BMP2K: variants seen among roughly 807,000 people sequenced by gnomAD.
BMP2K encodes BMP-2-inducible protein kinase.
Under a neutral mutation model 116.0 loss-of-function variants are expected in BMP2K, and 74 were observed. The ratio of observed to expected loss-of-function variants is 0.64; its 90% CI spans 0.53 to 0.77. BMP2K has a LOEUF of 0.77. BMP2K is among the 30% of genes least tolerant of loss of function. The probability of loss-of-function intolerance (pLI) is 0.00; values close to 1 mark genes in which losing one functional copy is unlikely to be tolerated. For synonymous variants in BMP2K, 486 were observed against 502.5 expected (o/e 0.97, Z 0.44); for missense variants, 1,365 against 1,403.6 (o/e 0.97, Z 0.44).
chr4:78,906,433 G>T (rs1734289443), intron 15 of BMP2K, among the ~76,000 whole-genome samples: 1 of 152,116 alleles, frequency 6.6e-6, no homozygotes, highest in Non-Finnish European at 1.5e-5. Context: ...ACTATTTGCA[G>T]ATGTAACCTG....
chr4:78,888,388 A>G (rs1733222714), intron 15 of BMP2K, among the ~76,000 whole-genome samples: 1 of 152,216 alleles, frequency 6.6e-6, no homozygotes, highest in South Asian at 2.1e-4. Flanking sequence ...GTCTAAAATT[A>G]TAATAACTCA....
chr4:78,787,655 T>C (rs1347194239), intron 1 of BMP2K, among the ~76,000 whole-genome samples: 2 of 152,084 alleles, frequency 1.3e-5, no homozygotes, highest in African/African-American at 2.4e-5. Flanking sequence ...GGGGATCTTA[T>C]CTCCTTAAGG....
At chr4:78,807,457 T>C (rs1001067089) in intron 1 of BMP2K, among the ~76,000 whole-genome samples, 1 of 152,176 alleles carries the variant, frequency 6.6e-6, no homozygotes, top group Non-Finnish European at 1.5e-5. Context: ...CGTTTCCTTC[T>C]CTTCTATTTT....
intron 1 of BMP2K, among the ~76,000 whole-genome samples, chr4:78,801,093 C>G (rs1022225727): frequency 7.2e-5 from 11 of 152,136 alleles, no homozygotes; most frequent in Non-Finnish European, 7.4e-5. Context: ...CCTGCAGTCT[C>G]TCTGTGTAAT....
rs530785941 is a variant in BMP2K, at chr4:78,800,041, CT to C, written c.178+23324del. On this transcript the variant is annotated intron_variant, in intron 1 of 15. Coordinates refer to ENST00000502613, the MANE Select transcript of BMP2K (RefSeq NM_198892.2). The stretch of plus-strand genomic sequence containing the variant: ...CTTTGCAAAGGAGAAATTATACAAA[CT>C]TTTACTCTTTCAATTTGAAAGTCTT... Among the ~76,000 whole-genome samples the C allele has an allele frequency of 6.0e-3, 909 of 152,296 alleles. 4 individuals are homozygous for C. Among genetic ancestry groups the C allele is most frequent in the Admixed American group, 0.014 (213 of 15,286 alleles).
At chr4:78,857,931 A>G (rs889649320) in intron 7 of BMP2K, among the ~76,000 whole-genome samples, 1 of 152,020 alleles carries the variant, frequency 6.6e-6, no homozygotes, top group Admixed American at 6.6e-5. Flanking sequence ...AGACCAAATC[A>G]TATGTAGTTT....
intron 2 of BMP2K, among the ~76,000 whole-genome samples, chr4:78,829,942 C>G (rs991420653): frequency 2.6e-5 from 4 of 151,688 alleles, no homozygotes; most frequent in Non-Finnish European, 5.9e-5. Context: ...CCTTGGCCTC[C>G]TGGCTCACTG....
rs778962146 is a variant in BMP2K at position 78,885,601 on chromosome 4, A to G, written c.1952-1573A>G. Among the ~76,000 whole-genome samples, 11 of 152,288 alleles carry G rather than the reference A, an allele frequency of 7.2e-5. No individual in the cohort carries two copies. In the South Asian group the frequency reaches 1.7e-3, roughly 23 times the overall value. On this transcript the variant is annotated intron_variant, in intron 14 of 15. Coordinates refer to ENST00000502613, the MANE Select transcript of BMP2K (RefSeq NM_198892.2). ...TCTACTTGGGTTCTGCCTCCCCTAC[A>G]CTGCAGTCCCTTAGAACTCAGTTGA...
intron 15 of BMP2K, among the ~76,000 whole-genome samples, chr4:78,908,979 C>G (rs13140881): frequency 6.7e-6 from 1 of 148,294 alleles, no homozygotes; most frequent in Non-Finnish European, 1.5e-5. Context: ...GTCATGTCAT[C>G]TAGGCCACCA....
chr4:78,855,784 T>C (rs1731479260), intron 7 of BMP2K, among the ~76,000 whole-genome samples: 2 of 152,212 alleles, frequency 1.3e-5, no homozygotes, highest in South Asian at 4.1e-4. Context: ...AGTATTTGTG[T>C]CAATAGAAAG....
At position 78,887,218 on chromosome 4, in the gene BMP2K, C is replaced by T; in HGVS notation, c.1996C>T (p.Leu666Phe). 1 of 1,611,944 alleles carries T rather than the reference C, an allele frequency of 6.2e-7. No individual in the cohort carries two copies. The highest frequency in any genetic ancestry group is 8.5e-7 in the Non-Finnish European group (1 of 1,179,046). Residue 666 changes from leucine (L) to phenylalanine (F), a missense_variant, in exon 15 of 16, where the codon CTT becomes TTT. Around this residue, in one of 3 missense-constraint regions of BMP2K, gnomAD observed 596 missense variants for 623.2 expected, o/e 0.96. Coordinates refer to ENST00000502613, the MANE Select transcript of BMP2K (RefSeq NM_198892.2). The stretch of plus-strand genomic sequence containing the variant: ...ATCCTCAGATAAGAATGTAGACTCA[C>T]TTTCTGCTCCACATAACCATCCTCC... ...RASSDKNVDSLSAPHNHPPED... is the reference protein window; with the variant it reads ...RASSDKNVDSFSAPHNHPPED...
At chr4:78,805,509 GTC>G (rs1421409633) in intron 1 of BMP2K, among the ~76,000 whole-genome samples, 1 of 152,100 alleles carries the variant, frequency 6.6e-6, no homozygotes, top group Non-Finnish European at 1.5e-5. Context: ...AGTGAGGAAT[GTC>G]TGTTTATTTA....
In BMP2K at chr4:78,870,930, A is replaced by G; in HGVS notation, c.1379A>G (p.Gln460Arg). 7.2e-7 allele frequency: 1 copy of G among 1,393,126 alleles called. No homozygotes were observed. Among genetic ancestry groups the G allele is most frequent in the Non-Finnish European group, 9.4e-7 (1 of 1,064,224 alleles). 86.3% of individuals were successfully genotyped at this position (1,393,126 alleles called of 1,614,324 possible). ...QLHLQHRHPHQQQQQQQQQQQ... is the reference protein window; with the variant it reads ...QLHLQHRHPHRQQQQQQQQQQ... ...CATTTACAGCATCGTCATCCTCACC[A>G]GCAGCAGCAGCAGCAGCAGCAGCAA... Residue 460 changes from glutamine (Q) to arginine (R), a missense_variant, in exon 11 of 16, where the codon CAG becomes CGG. Physicochemically the swap from Gln to Arg is conservative, Grantham distance 43. Transcript: ENST00000502613.
intron 2 of BMP2K, among the ~76,000 whole-genome samples, chr4:78,830,432 C>G (rs1730154009): frequency 6.6e-6 from 1 of 152,172 alleles, no homozygotes. Flanking sequence ...GCAAGGTAAG[C>G]ATTGGTTTCA....
At chr4:78,806,321 A>C (rs545183195) in intron 1 of BMP2K, among the ~76,000 whole-genome samples, 17 of 152,204 alleles carry the variant, frequency 1.1e-4, no homozygotes, top group Admixed American at 7.8e-4. Context: ...GACTACAGGC[A>C]CATGTTACTA....
At chr4:78,893,635 T>G (rs561280901) in intron 15 of BMP2K, among the ~76,000 whole-genome samples, 1 of 152,304 alleles carries the variant, frequency 6.6e-6, no homozygotes, top group South Asian at 2.1e-4. Context: ...TGGTCATAAC[T>G]CACTATGGCC....
chr4:78,825,894 A>G, intron 1 of BMP2K, 143 bp from the exon 2 acceptor site: 1 of 613,950 alleles, frequency 1.6e-6, no homozygotes, highest in Non-Finnish European at 2.8e-6. Context: ...TTTGGCATTT[A>G]ATCTACTAGT....
At chr4:78,909,055 CTTTTTT>C (rs1053664659) in intron 15 of BMP2K, among the ~76,000 whole-genome samples, 4 of 94,394 alleles carry the variant, frequency 4.2e-5, no homozygotes, top group African/African-American at 1.8e-4. Context: ...TTCCCTTAGT[CTTTTTT>C]TTTTTTTTTT....
chr4:78,784,165 C>T (rs1727630795), intron 1 of BMP2K, among the ~76,000 whole-genome samples: 2 of 152,002 alleles, frequency 1.3e-5, no homozygotes, highest in South Asian at 2.1e-4. Context: ...TCACCATTTC[C>T]CTCCTATTTT....
Sources: gnomAD v4.1 joint callset for allele counts (sites outside exome capture counted in the v4.1 genomes callset) on GRCh38, gnomAD v4.1.1 for gene constraint, gnomAD v4.1.1 regional missense constraint, MANE v1.5 for transcripts, NCBI Gene and HGNC (gene_info 2026-07-23, HGNC 2026-07-21) for gene names.